Variants in AKR1C3 observed in about 807,000 individuals in gnomAD.
The protein encoded by AKR1C3 is aldo-keto reductase family 1 member C3, also known as 3-alpha hydroxysteroid dehydrogenase, type II.
A neutral mutation model predicts 43.6 loss-of-function variants in AKR1C3; 48 were observed. The observed-to-expected ratio is 1.10, with a 90% CI of 0.87 to 1.40. The LOEUF (loss-of-function observed/expected upper bound fraction) is 1.40. Among genes scored for constraint, AKR1C3 ranks in the 40% most tolerant of loss-of-function variants. The probability of loss-of-function intolerance (pLI) is 0.00; values close to 1 mark genes in which losing one functional copy is unlikely to be tolerated. For synonymous variants in AKR1C3, 162 were observed against 139.6 expected (o/e 1.16, Z -1.13); for missense variants, 482 against 391.2 (o/e 1.23, Z -1.96).
upstream of AKR1C3, chr10:5,094,169 G>T: frequency 4.7e-6 from 1 of 214,832 alleles, no homozygotes; most frequent in East Asian, 1.4e-4. Flanking sequence ...TAGAGATTTA[G>T]AATAGAAAAT....
chr10:5,064,789 C>T (rs972489017), intron 1 of AKR1C3, among the ~76,000 whole-genome samples: 2 of 151,440 alleles, frequency 1.3e-5, no homozygotes, highest in East Asian at 1.9e-4. Context: ...CTCAACATCA[C>T]TGATCATTAG....
chr10:5,087,380 CTT>C (rs71391988), intron 1 of AKR1C3, among the ~76,000 whole-genome samples: 2 of 74,800 alleles, frequency 2.7e-5, no homozygotes, highest in East Asian at 3.2e-3. Flanking sequence ...TCATTTCTTT[CTT>C]TTTTTTTTTT....
intron 1 of AKR1C3, among the ~76,000 whole-genome samples, chr10:5,087,564 C>A (rs1465635015): frequency 6.6e-6 from 1 of 151,466 alleles, no homozygotes; most frequent in African/African-American, 2.4e-5. Context: ...TTAGTAGAGG[C>A]GGGGTTTCAC....
At position 5,071,396 on chromosome 10, in the gene AKR1C3, G is replaced by C. The variant is rs182307113; in HGVS notation, c.84+22501G>C. On this transcript the variant is annotated intron_variant, in intron 1 of 8. Coordinates refer to the AKR1C3 transcript ENST00000439082. ...ACATAATGAGAGTAAAATCCAAAGA[G>C]CATGAGGACCAAATCAAATATGACA... is the stretch of plus-strand genomic sequence containing the variant. 2.6e-5 allele frequency among the ~76,000 whole-genome samples: 4 copies of C among 152,298 alleles called. No homozygotes were observed. The East Asian group carries it at 7.7e-4, about 29-fold the overall frequency.
At chr10:5,068,872 A>G (rs1554781066) in intron 1 of AKR1C3, among the ~76,000 whole-genome samples, 1 of 152,230 alleles carries the variant, frequency 6.6e-6, no homozygotes, top group African/African-American at 2.4e-5. Context: ...GGCAAGTTAA[A>G]CAAATTTCAA....
At position 5,105,691 on chromosome 10, in the gene AKR1C3, G is replaced by GT; in HGVS notation, c.929+15dup. 6.3e-7 allele frequency: 1 copy of GT among 1,587,102 alleles called. No individual in the cohort carries two copies. The highest frequency in any genetic ancestry group is 8.6e-7 in the Non-Finnish European group (1 of 1,156,686). Reference sequence around the variant, plus strand: ...TAACAGTGATAGGTAAGTTTCCTTTGTAAATGGGTGATCTAATTTATTTCT... The same window carrying GT: ...TAACAGTGATAGGTAAGTTTCCTTTGTTAAATGGGTGATCTAATTTATTTCT... On this transcript the variant is annotated intron_variant, in intron 8 of 8. Coordinates refer to ENST00000380554, the MANE Select transcript of AKR1C3 (RefSeq NM_003739.6).
At chr10:5,078,715 G>C (rs1349532176) in intron 1 of AKR1C3, among the ~76,000 whole-genome samples, 1 of 152,160 alleles carries the variant, frequency 6.6e-6, no homozygotes, top group South Asian at 2.1e-4. Context: ...ATACATATAG[G>C]CAGGGCCCAG....
chr10:5,081,230 C>A (rs1184930976), intron 1 of AKR1C3, among the ~76,000 whole-genome samples: 1 of 152,048 alleles, frequency 6.6e-6, no homozygotes, highest in Non-Finnish European at 1.5e-5. Flanking sequence ...AAGAAAGTGG[C>A]CTGTGGGGCA....
At chr10:5,065,966 C>G (rs561597507) in intron 1 of AKR1C3, among the ~76,000 whole-genome samples, 1 of 152,268 alleles carries the variant, frequency 6.6e-6, no homozygotes, top group African/African-American at 2.4e-5. Flanking sequence ...TCTCACTCTG[C>G]TCTCTCTAGT....
chr10:5,063,764 G>GAAAAAAAAAAAAAAAAAAA lies in AKR1C3; in HGVS notation c.84+14869_84+14870insAAAAAAAAAAAAAAAAAAA, dbSNP rs1406943359. Among the ~76,000 whole-genome samples, 4 of 33,444 alleles carry GAAAAAAAAAAAAAAAAAAA rather than the reference G, an allele frequency of 1.2e-4. 1 individual carries two copies. Among genetic ancestry groups the GAAAAAAAAAAAAAAAAAAA allele is most frequent in the South Asian group, 1.0e-3 (1 of 996 alleles). The allele number at this position is 33,444 out of a possible 152,430, so 21.9% of individuals were successfully genotyped here. ...GAGGACAGAGGTAGTCTCTGTCTCA[G>GAAAAAAAAAAAAAAAAAAA]CAAAAAAAAAAAAAAAAAAAAAAAA... is the stretch of plus-strand genomic sequence containing the variant. On this transcript the variant is annotated intron_variant, in intron 1 of 8. Coordinates refer to the AKR1C3 transcript ENST00000439082.
intron 1 of AKR1C3, chr10:5,077,777 C>A: frequency 1.1e-6 from 1 of 927,168 alleles, no homozygotes; most frequent in Non-Finnish European, 1.4e-6. Context: ...TTTAGTTTTA[C>A]ATTAACATGT....
chr10:5,105,537 T>C (rs1839478222), intron 7 of AKR1C3, 58 bp from the exon 8 acceptor site: 3 of 1,292,630 alleles, frequency 2.3e-6, no homozygotes, highest in Non-Finnish European at 3.3e-6. Context: ...CTGTCTAATA[T>C]ACTTGGGGAT....
At chr10:5,067,195 T>G (rs1159301794) in intron 1 of AKR1C3, among the ~76,000 whole-genome samples, 1 of 152,178 alleles carries the variant, frequency 6.6e-6, no homozygotes, top group Admixed American at 6.5e-5. Context: ...GTACACCCCA[T>G]AAGTGCACAT....
chr10:5,059,828 T>C (rs1838344352), intron 1 of AKR1C3, among the ~76,000 whole-genome samples: 1 of 152,172 alleles, frequency 6.6e-6, no homozygotes, highest in Admixed American at 6.5e-5. Flanking sequence ...GATGGTCCCT[T>C]CGTGGTCGCC....
At chr10:5,098,626 G>T (rs1338914723) in intron 3 of AKR1C3, among the ~76,000 whole-genome samples, 176 bp from the exon 4 acceptor site, 2 of 152,210 alleles carry the variant, frequency 1.3e-5, no homozygotes, top group African/African-American at 2.4e-5. Context: ...GAGGAAGCCT[G>T]TCTCCTGAAT....
chr10:5,058,724 T>C (rs1838315532), intron 1 of AKR1C3, among the ~76,000 whole-genome samples: 1 of 152,142 alleles, frequency 6.6e-6, no homozygotes, highest in Non-Finnish European at 1.5e-5. Context: ...GCAGAAACGC[T>C]AGTTTTCCTC....
intron 1 of AKR1C3, among the ~76,000 whole-genome samples, chr10:5,050,867 TAATA>T (rs1207506669): frequency 1.2e-4 from 18 of 152,186 alleles, no homozygotes; most frequent in African/African-American, 3.1e-4. Flanking sequence ...AGGCACTAGG[TAATA>T]AATAAAGTAA....
rs1283815874 is a variant in AKR1C3, at chr10:5,102,545, G to A, written c.741G>A (p.Lys247=). The change falls in exon 7 of 9, where the codon AAG becomes AAA. Residue 247 remains lysine, a synonymous_variant. Transcript: ENST00000380554. The stretch of plus-strand genomic sequence containing the variant: ...CAGTCCTTTGTGCCTTGGCAAAAAA[G>A]CACAAGCGAACCCCAGCCCTGATTG... ...EDPVLCALAK[K]HKRTPALIAL... 3.8e-6 allele frequency: 6 copies of A among 1,574,088 alleles called. No individual in the cohort carries two copies. Among genetic ancestry groups the A allele is most frequent in the Non-Finnish European group, 5.2e-6 (6 of 1,157,902 alleles).
At chr10:5,074,634 C>G (rs563347373) in intron 1 of AKR1C3, among the ~76,000 whole-genome samples, 1 of 152,324 alleles carries the variant, frequency 6.6e-6, no homozygotes, top group African/African-American at 2.4e-5. Context: ...ACCCGAAACT[C>G]TTTTAGCCAA....
Sources: gnomAD v4.1 joint callset for allele counts (sites outside exome capture counted in the v4.1 genomes callset) on GRCh38, gnomAD v4.1.1 for gene constraint, MANE v1.5 for transcripts, NCBI Gene and HGNC (gene_info 2026-07-23, HGNC 2026-07-21) for gene names.